The following PDE1A variants were observed in gnomAD, a reference collection of about 807,000 sequenced individuals.
The protein encoded by PDE1A is phosphodiesterase 1A.
In PDE1A, 35 loss-of-function variants were observed where a neutral mutation model predicts 61.7. The observed-to-expected ratio is 0.57, with a 90% CI of 0.43 to 0.75. The LOEUF is 0.75. Ranked by LOEUF, PDE1A falls within the 30% of genes least tolerant of loss-of-function variation. The probability of loss-of-function intolerance (pLI) is 0.00; values close to 1 mark genes in which losing one functional copy is unlikely to be tolerated. For synonymous variants in PDE1A, 232 were observed against 213.2 expected (o/e 1.09, Z -0.77); for missense variants, 597 against 630.6 (o/e 0.95, Z 0.57).
chr2:182,672,521 A>G, the PDE1A span, among the ~76,000 whole-genome samples: 35 of 152,348 alleles, frequency 2.3e-4, no homozygotes, highest in East Asian at 4.2e-3. Flanking sequence ...CAAAAAGAGA[A>G]TTTATAAAAG....
the PDE1A span, among the ~76,000 whole-genome samples, chr2:182,684,842 T>C: frequency 4.6e-5 from 7 of 152,124 alleles, no homozygotes; most frequent in South Asian, 1.4e-3. Context: ...ACCATATAAA[T>C]GTTAAAATTA....
chr2:182,366,266 T>C lies in PDE1A; in HGVS notation c.53+60312A>G, dbSNP rs1422684444. Among the ~76,000 whole-genome samples the C allele has an allele frequency of 3.9e-5, 6 of 152,052 alleles. No homozygotes were observed. In the East Asian group the frequency reaches 1.2e-3, roughly 29 times the overall value. ...CCTCAAAAAAGGATAAGATCCACTGTAATAAATGTTTGTTTATAAACAGGT... is the reference window on the plus strand; with the variant it reads ...CCTCAAAAAAGGATAAGATCCACTGCAATAAATGTTTGTTTATAAACAGGT... On this transcript the variant is annotated intron_variant, in intron 1 of 13. Transcript: ENST00000351439.
chr2:182,613,313 A>G, the PDE1A span, among the ~76,000 whole-genome samples: 3 of 152,196 alleles, frequency 2.0e-5, no homozygotes, highest in African/African-American at 2.4e-5. Flanking sequence ...TGTAATCCCC[A>G]GAACTTTGGG....
In PDE1A at chr2:182,332,483, C is replaced by T. The variant is rs543791842; in HGVS notation, c.54-68069G>A. On this transcript the variant is annotated intron_variant, in intron 1 of 13. Coordinates refer to ENST00000351439, the Ensembl canonical transcript of PDE1A. ...TTTTGCACTGGTTTTTCCTCATCTTCATGGATTTAACTACCTTTGGTCTTT... is the reference window on the plus strand; with the variant it reads ...TTTTGCACTGGTTTTTCCTCATCTTTATGGATTTAACTACCTTTGGTCTTT... 2.0e-5 allele frequency among the ~76,000 whole-genome samples: 3 copies of T among 152,282 alleles called. No homozygotes were observed. The East Asian group carries it at 5.8e-4, about 29-fold the overall frequency.
At chr2:182,676,010 C>T in the PDE1A span, among the ~76,000 whole-genome samples, 1 of 152,040 alleles carries the variant, frequency 6.6e-6, no homozygotes, top group African/African-American at 2.4e-5. Context: ...TGGCATCTTT[C>T]TCATGAAATC....
At chr2:182,654,879 T>C in the PDE1A span, among the ~76,000 whole-genome samples, 349 of 152,310 alleles carry the variant, frequency 2.3e-3, 2 homozygotes, top group African/African-American at 8.0e-3. Flanking sequence ...GCTTTCCATG[T>C]CTCTTCTATT....
At chr2:182,454,236 G>C (rs1196573522) in intron 2 of PDE1A, among the ~76,000 whole-genome samples, 2 of 152,108 alleles carry the variant, frequency 1.3e-5, no homozygotes, top group Non-Finnish European at 2.9e-5. Flanking sequence ...TCTTCAAGGA[G>C]AACTACAAAC....
chr2:182,568,527 G>A, the PDE1A span, among the ~76,000 whole-genome samples: 7 of 152,030 alleles, frequency 4.6e-5, no homozygotes, highest in African/African-American at 7.2e-5. Flanking sequence ...TTAGCCAGGC[G>A]CAGTGGCGGG....
chr2:182,366,074 C>T (rs192923998), intron 1 of PDE1A, among the ~76,000 whole-genome samples: 10 of 152,100 alleles, frequency 6.6e-5, no homozygotes, highest in Admixed American at 3.3e-4. Flanking sequence ...AAGGTGATGA[C>T]GTGAATTGTG....
intron 1 of PDE1A, among the ~76,000 whole-genome samples, chr2:182,281,045 G>A (rs992165235): frequency 2.6e-5 from 4 of 151,546 alleles, no homozygotes; most frequent in Non-Finnish European, 4.4e-5. Flanking sequence ...GTTTTTTCTG[G>A]GGCAGAAAGA....
the PDE1A span, among the ~76,000 whole-genome samples, chr2:182,708,614 A>T: frequency 6.6e-6 from 1 of 152,062 alleles, no homozygotes; most frequent in Non-Finnish European, 1.5e-5. Context: ...CTGAGAACTC[A>T]CTATCACAGA....
intron 1 of PDE1A, among the ~76,000 whole-genome samples, chr2:182,289,790 T>A (rs546954677): frequency 6.6e-6 from 1 of 152,192 alleles, no homozygotes; most frequent in Non-Finnish European, 1.5e-5. Flanking sequence ...ACTCCTAACC[T>A]ACGAGTTACT....
Position 182,402,086 on chromosome 2 carries a change from T to C in PDE1A, c.53+24492A>G, listed in dbSNP as rs61876486. ...ATAGAAAGAATCAATATTGTGAAAA[T>C]AGCCATACTGCCCAAAGTAATTTAT... On this transcript the variant is annotated intron_variant, in intron 1 of 13. Transcript: ENST00000351439. Among the ~76,000 whole-genome samples, 388 of 152,122 alleles carry C rather than the reference T, an allele frequency of 2.6e-3. 2 individuals are homozygous for C. The highest frequency in any genetic ancestry group is 4.1e-3 in the Non-Finnish European group (282 of 67,992).
intron 2 of PDE1A, among the ~76,000 whole-genome samples, chr2:182,473,423 C>A (rs373330607): frequency 6.6e-6 from 1 of 151,676 alleles, no homozygotes; most frequent in Non-Finnish European, 1.5e-5. Context: ...AACTCAAACA[C>A]ATTTACAAGA....
intron 2 of PDE1A, among the ~76,000 whole-genome samples, chr2:182,463,976 G>A (rs1686482164): frequency 6.6e-6 from 1 of 152,096 alleles, no homozygotes. Context: ...GACGAGGGAA[G>A]AACTGCTTCT....
In PDE1A at chr2:182,182,346, A is replaced by G. The variant is rs186759336; in HGVS notation, c.1516+3546T>C. On this transcript the variant is annotated intron_variant, in intron 13 of 13. Coordinates refer to ENST00000351439, the Ensembl canonical transcript of PDE1A. ...CAAAATATCTGTATATCCAGAATCC[A>G]ATCTCTTTTTGCTTACCCTCCTTCT... Among the ~76,000 whole-genome samples, 10 of 152,192 alleles carry G rather than the reference A, an allele frequency of 6.6e-5. No homozygotes were observed. The East Asian group carries it at 1.9e-3, about 30-fold the overall frequency.
chr2:182,516,837 G>GGGAC (rs1559534465), intron 2 of PDE1A, among the ~76,000 whole-genome samples: 1 of 49,812 alleles, frequency 2.0e-5, no homozygotes, highest in Non-Finnish European at 5.1e-5. Context: ...AAGGAAGGGA[G>GGGAC]GGAGGGAGGG....
chr2:182,647,890 G>C, the PDE1A span, among the ~76,000 whole-genome samples: 20,392 of 151,984 alleles, frequency 0.13, 1,899 homozygotes, highest in African/African-American at 0.26. Flanking sequence ...GGACAAAAAA[G>C]GGAGAGAAAG....
At chr2:182,197,707 T>C (rs1686254189) in intron 10 of PDE1A, among the ~76,000 whole-genome samples, 1 of 151,870 alleles carries the variant, frequency 6.6e-6, no homozygotes, top group Non-Finnish European at 1.5e-5. Context: ...CACATGACAT[T>C]ATATATATGA....
Sources: allele counts gnomAD v4.1 joint callset (sites outside exome capture counted in the v4.1 genomes callset), GRCh38; gene constraint gnomAD v4.1.1; transcripts MANE v1.5; gene names NCBI Gene and HGNC (gene_info 2026-07-23, HGNC 2026-07-21).